RABEP1: variants seen among roughly 807,000 people sequenced by gnomAD.
The protein encoded by RABEP1 is rab GTPase-binding effector protein 1.
RABEP1 carries 51 observed loss-of-function variants against 123.4 expected under a neutral mutation model. The ratio of observed to expected loss-of-function variants is 0.41; its 90% CI spans 0.33 to 0.52. The LOEUF (loss-of-function observed/expected upper bound fraction) is 0.52, where lower values mean the gene tolerates loss of function less well. Among genes scored for constraint, RABEP1 ranks in the 20% least tolerant of loss-of-function variants. The pLI, the probability that RABEP1 is intolerant of heterozygous loss-of-function variation, is 0.16. For synonymous variants in RABEP1, 347 were observed against 355.2 expected, an observed-to-expected ratio of 0.98 and a Z score of 0.26; for missense variants, 888 against 996.3, an observed-to-expected ratio of 0.89 and a Z score of 1.46.
intron 2 of RABEP1, among the ~76,000 whole-genome samples, chr17:5,320,682 A>G (rs921775657): frequency 2.0e-5 from 3 of 152,116 alleles, no homozygotes; most frequent in Non-Finnish European, 4.4e-5. Flanking sequence ...CTTTGTTTCT[A>G]TTTTTTAAGA....
Position 5,385,208 on chromosome 17 carries a change from CAA to C in RABEP1, c.*1987_*1988del. The stretch of plus-strand genomic sequence containing the variant: ...TTAGCAATGTGTTTCTGGTATGAAA[CAA>C]ACTACTGTGTCACTGTCCAGGTAGG... On this transcript the variant is annotated 3_prime_UTR_variant, in exon 18 of 18. Transcript: ENST00000537505. The C allele has an allele frequency of 4.3e-6, 1 of 230,100 alleles. No individual in the cohort carries two copies. Among genetic ancestry groups the C allele is most frequent in the Non-Finnish European group, 8.6e-6 (1 of 116,142 alleles). The allele number at this position is 230,100 out of a possible 1,614,324, so 14.3% of individuals were successfully genotyped here.
chr17:5,355,552 T>G (rs572772003), intron 8 of RABEP1, among the ~76,000 whole-genome samples: 1 of 152,320 alleles, frequency 6.6e-6, no homozygotes, highest in Admixed American at 6.5e-5. Flanking sequence ...ATGTGGCCTG[T>G]CCCTGCGGCT....
intron 11 of RABEP1, among the ~76,000 whole-genome samples, chr17:5,368,055 C>A (rs1910225381): frequency 6.6e-6 from 1 of 152,092 alleles, no homozygotes; most frequent in Non-Finnish European, 1.5e-5. Flanking sequence ...CTGCACCCAG[C>A]CTGATTTTTT....
intron 14 of RABEP1, 65 bp from the exon 15 acceptor site, chr17:5,378,112 A>G (rs1911149672): frequency 7.5e-7 from 1 of 1,341,276 alleles, no homozygotes; most frequent in Non-Finnish European, 1.0e-6. Flanking sequence ...CTAAAATTTT[A>G]AAGAAAAAAA....
chr17:5,323,690 A>C lies in RABEP1; in HGVS notation c.164-8259A>C, dbSNP rs998858814. On this transcript the variant is annotated intron_variant, in intron 2 of 17. Coordinates refer to ENST00000537505, the MANE Select transcript of RABEP1 (RefSeq NM_004703.6). ...TCTTTCATTGGTGATATATATATAT[A>C]TCTCTCTCTAGGAATATATATATAT... Among the ~76,000 whole-genome samples the C allele has an allele frequency of 6.1e-4, 55 of 90,672 alleles. 5 individuals carry two copies. Among genetic ancestry groups the C allele is most frequent in the East Asian group, 2.9e-3 (9 of 3,092 alleles). 59.5% of individuals were successfully genotyped at this position (90,672 alleles called of 152,430 possible).
Position 5,346,812 on chromosome 17 carries a change from TG to T in RABEP1, c.673del (p.Glu225LysfsTer10). ...CAGGTTAAAGAACTGAATCATTATC[TG>T]GAAGCTGAGAAATCTTGTAGGACTG... is the stretch of plus-strand genomic sequence containing the variant. ...ASKVKELNHY[L>X]EAEKSCRTDL... On this transcript the variant is annotated frameshift_variant, in exon 6 of 18. Transcript: ENST00000537505. LOFTEE classifies it high-confidence loss of function. The T allele has an allele frequency of 1.9e-6, 3 of 1,576,692 alleles. No individual in the cohort carries two copies. The highest frequency in any genetic ancestry group is 1.7e-6 in the Non-Finnish European group (2 of 1,159,218).
chr17:5,349,212 A>G (rs1248530590), intron 6 of RABEP1, among the ~76,000 whole-genome samples: 1 of 152,186 alleles, frequency 6.6e-6, no homozygotes. Flanking sequence ...TGCGTTTTAG[A>G]AAGTTCAGTC....
At chr17:5,375,621 G>A (rs1353777804) in intron 13 of RABEP1, among the ~76,000 whole-genome samples, 6 of 151,862 alleles carry the variant, frequency 4.0e-5, no homozygotes, top group Admixed American at 6.6e-5. Context: ...GGGAGGGGTC[G>A]CCTGAGCCCA....
In RABEP1 at chr17:5,377,336, A is replaced by AC. The variant is rs1491525333; in HGVS notation, c.2215+31_2215+32insC. The AC allele has an allele frequency of 8.5e-6, 13 of 1,530,078 alleles. No individual in the cohort carries two copies. In the Admixed American group the frequency reaches 1.8e-4, roughly 22 times the overall value. 94.8% of individuals were successfully genotyped at this position (1,530,078 alleles called of 1,614,324 possible). The stretch of plus-strand genomic sequence containing the variant: ...GATAAAAGTGATGTAGTTTAGAATT[A>AC]GAGTCACTAAATAAAACTTTAGTAA... On this transcript the variant is annotated intron_variant, in intron 14 of 17. Coordinates refer to ENST00000537505, the MANE Select transcript of RABEP1 (RefSeq NM_004703.6).
rs1911887911 is a variant in RABEP1 at position 5,385,573 on chromosome 17, TAA to T, written c.*2351_*2352del. On this transcript the variant is annotated 3_prime_UTR_variant, in exon 18 of 18. Coordinates refer to ENST00000537505, the MANE Select transcript of RABEP1 (RefSeq NM_004703.6). ...ATACTAACCTATTTTTTTCTCCCTTTAAGGTGCTAAACTTGCACCTCATGTCC... is the reference window on the plus strand; with the variant it reads ...ATACTAACCTATTTTTTTCTCCCTTTGGTGCTAAACTTGCACCTCATGTCC... 4.3e-6 allele frequency: 1 copy of T among 230,988 alleles called. No individual in the cohort carries two copies. Among genetic ancestry groups the T allele is most frequent in the East Asian group, 6.2e-5 (1 of 16,236 alleles). 14.3% of individuals were successfully genotyped at this position (230,988 alleles called of 1,614,324 possible).
chr17:5,298,531 T>G (rs543646103), intron 1 of RABEP1, among the ~76,000 whole-genome samples: 64 of 152,318 alleles, frequency 4.2e-4, no homozygotes, highest in African/African-American at 1.2e-3. Flanking sequence ...GCATAATGCC[T>G]CGTTATATCT....
At chr17:5,330,480 G>C (rs1906425845) in intron 2 of RABEP1, among the ~76,000 whole-genome samples, 1 of 152,088 alleles carries the variant, frequency 6.6e-6, no homozygotes, top group Non-Finnish European at 1.5e-5. Context: ...TTTACTATTG[G>C]ATTTTTATAA....
chr17:5,381,656 C>A (rs1911469285), intron 17 of RABEP1, 151 bp downstream of exon 17: 3 of 1,333,758 alleles, frequency 2.2e-6, no homozygotes, highest in Non-Finnish European at 2.0e-6. Context: ...ATCATTCAAG[C>A]CAGAAACCTG....
intron 1 of RABEP1, among the ~76,000 whole-genome samples, chr17:5,298,866 A>G (rs932986873): frequency 1.3e-5 from 2 of 152,112 alleles, no homozygotes; most frequent in African/African-American, 4.8e-5. Flanking sequence ...CGTGTTAGCC[A>G]GGATGGTCTC....
intron 8 of RABEP1, among the ~76,000 whole-genome samples, chr17:5,354,900 TTC>T (rs1361787072): frequency 2.2e-4 from 33 of 152,292 alleles, no homozygotes; most frequent in African/African-American, 7.9e-4. Flanking sequence ...GTATTAGGTT[TTC>T]ATCCCTGACG....
At chr17:5,339,774 G>C (rs963291999) in intron 5 of RABEP1, among the ~76,000 whole-genome samples, 3 of 152,068 alleles carry the variant, frequency 2.0e-5, no homozygotes, top group African/African-American at 7.2e-5. Context: ...CTGCACTCCA[G>C]CCTGGGCGAC....
At position 5,330,793 on chromosome 17, in the gene RABEP1, C is replaced by T. The variant is rs568625219; in HGVS notation, c.164-1156C>T. Among the ~76,000 whole-genome samples, 12 of 152,006 alleles carry T rather than the reference C, an allele frequency of 7.9e-5. No homozygotes were observed. The East Asian group carries it at 1.4e-3, about 17-fold the overall frequency. ...ATCCCAACGCTTTGGGAGGCTGAGG[C>T]GGGAGGATCATTTCAGCCCAGGAGG... On this transcript the variant is annotated intron_variant, in intron 2 of 17. Transcript: ENST00000537505.
intron 5 of RABEP1, among the ~76,000 whole-genome samples, chr17:5,340,257 G>C (rs916478921): frequency 6.6e-6 from 1 of 152,110 alleles, no homozygotes; most frequent in Non-Finnish European, 1.5e-5. Flanking sequence ...TTAGTAGCCT[G>C]GGTTACCTTG....
Position 5,381,386 on chromosome 17 carries a change from T to C in RABEP1, c.2371-3T>C. The C allele has an allele frequency of 6.2e-7, 1 of 1,606,094 alleles. No homozygotes were observed. Among genetic ancestry groups the C allele is most frequent in the Admixed American group, 1.7e-5 (1 of 57,878 alleles). Reference sequence around the variant, plus strand: ...ATCTTCATTCAAAACTTGTATTTTTTAGGCTACCGTTGAACAACTAATGTT... The same window carrying C: ...ATCTTCATTCAAAACTTGTATTTTTCAGGCTACCGTTGAACAACTAATGTT... On this transcript the variant is annotated splice_region_variant and splice_polypyrimidine_tract_variant and intron_variant, in intron 16 of 17. Coordinates refer to ENST00000537505, the MANE Select transcript of RABEP1 (RefSeq NM_004703.6).
Sources: allele counts gnomAD v4.1 joint callset (sites outside exome capture counted in the v4.1 genomes callset), GRCh38; gene constraint gnomAD v4.1.1; transcripts MANE v1.5; gene names NCBI Gene and HGNC (gene_info 2026-07-23, HGNC 2026-07-21).